ALPK2: variants seen among roughly 807,000 people sequenced by gnomAD.
ALPK2 encodes alpha kinase 2.
ALPK2 carries 127 observed loss-of-function variants against 163.1 expected under a neutral mutation model. That is an observed-to-expected ratio of 0.78 (90% CI 0.67 to 0.90). The LOEUF is 0.90. Among genes scored for constraint, ALPK2 ranks in the 40% least tolerant of loss-of-function variants. The probability of loss-of-function intolerance (pLI) is 0.00; values close to 1 mark genes in which losing one functional copy is unlikely to be tolerated. For synonymous variants in ALPK2, 953 were observed against 959.1 expected (o/e 0.99, Z 0.12); for missense variants, 2,360 against 2,589.6 (o/e 0.91, Z 1.92).
intron 4 of ALPK2, chr18:58,544,272 C>T (rs2051706182): frequency 1.3e-5 from 2 of 152,156 alleles, no homozygotes; most frequent in African/African-American, 4.8e-5. Flanking sequence ...CCTCTGATTC[C>T]ACAAACATAT....
chr18:58,555,750 A>G (rs2051787165), intron 4 of ALPK2, among the ~76,000 whole-genome samples: 1 of 152,156 alleles, frequency 6.6e-6, no homozygotes, highest in Admixed American at 6.5e-5. Context: ...CATGGTGAAC[A>G]CTGTCTCATC....
Position 58,537,358 on chromosome 18 carries a change from T to A in ALPK2, c.2829A>T (p.Thr943=). ...GATTGTTCTCAGAAGAAAGGAGCTG[T>A]GTTTCATCAAGCCCTCCTGAGTTGC... ...SPSNSGGLDE[T]QLLSSENNPL... is the part of the protein sequence containing the mutation. The change falls in exon 5 of 13, where the codon ACA becomes ACT. Residue 943 remains threonine, a synonymous_variant. Transcript: ENST00000361673. 1 of 1,614,066 alleles carries A rather than the reference T, an allele frequency of 6.2e-7. No homozygotes were observed. Among genetic ancestry groups the A allele is most frequent in the Non-Finnish European group, 8.5e-7 (1 of 1,179,956 alleles).
In ALPK2 at chr18:58,535,032, C is replaced by T. The variant is rs766075308; in HGVS notation, c.5155G>A (p.Gly1719Ser). The T allele has an allele frequency of 1.2e-6, 2 of 1,614,138 alleles. No homozygotes were observed. The highest frequency in any genetic ancestry group is 2.2e-5 in the East Asian group (1 of 44,878). The change falls in exon 5 of 13, where the codon GGC (glycine) becomes AGC (serine). Residue 1719 changes from glycine to serine, a missense_variant. Gly to Ser is a moderately conservative substitution (Grantham distance 56). Transcript: ENST00000361673. ...EEVKRKPEAPGSGHLAEGVKK... is the reference protein window; with the variant it reads ...EEVKRKPEAPSSGHLAEGVKK... ...ACTCCCTCAGCTAAATGTCCACTGC[C>T]TGGGGCTTCTGGCTTCCTCTTGACC...
At chr18:58,619,958 G>A (rs1264874613) in intron 1 of ALPK2, among the ~76,000 whole-genome samples, 1 of 152,234 alleles carries the variant, frequency 6.6e-6, no homozygotes, top group African/African-American at 2.4e-5. Context: ...ATGTGGCATA[G>A]CAATACAATT....
At position 58,629,023 on chromosome 18, in the gene ALPK2, A is replaced by T. The variant is rs995208378; in HGVS notation, c.-280T>A. 3 of 152,204 alleles carry T rather than the reference A, an allele frequency of 2.0e-5. No individual in the cohort carries two copies. The highest frequency in any genetic ancestry group is 4.1e-4 in the South Asian group (2 of 4,826). 9.4% of individuals were successfully genotyped at this position (152,204 alleles called of 1,614,324 possible). A position where few individuals can be genotyped will look rare whatever the true frequency, so the allele number is the denominator to read the frequency against. ...AGCATTTTTTCCCCGCCCTTCAGTG[A>T]ACTAGGTCATTGCTGAAGCTGGAGA... On this transcript the variant is annotated 5_prime_UTR_variant, in exon 1 of 13. Transcript: ENST00000361673.
At chr18:58,589,200 C>T (rs576335542) in intron 3 of ALPK2, among the ~76,000 whole-genome samples, 4 of 152,292 alleles carry the variant, frequency 2.6e-5, no homozygotes, top group African/African-American at 9.6e-5. Context: ...TGTGTATCCT[C>T]TTAGGCTGAT....
intron 12 of ALPK2, among the ~76,000 whole-genome samples, chr18:58,485,587 G>A (rs928966455): frequency 1.3e-5 from 2 of 152,234 alleles, no homozygotes; most frequent in Non-Finnish European, 2.9e-5. Flanking sequence ...GTCAACCAAA[G>A]AAAGGAGTTG....
intron 1 of ALPK2, among the ~76,000 whole-genome samples, chr18:58,620,277 C>T (rs955014316): frequency 2.6e-5 from 4 of 152,202 alleles, no homozygotes; most frequent in Middle Eastern, 3.4e-3. Flanking sequence ...GACGACAGAG[C>T]GAAGCTCCTT....
At chr18:58,496,847 AAACC>A (rs981197235) in intron 12 of ALPK2, among the ~76,000 whole-genome samples, 8 of 152,166 alleles carry the variant, frequency 5.3e-5, no homozygotes. Context: ...ATATATATGC[AAACC>A]AACCAATCCA....
rs539244205 is a variant in ALPK2, at chr18:58,533,074, G to A, written c.5353+1760C>T. 3.9e-5 allele frequency among the ~76,000 whole-genome samples: 6 copies of A among 152,292 alleles called. No homozygotes were observed. The South Asian group carries it at 6.2e-4, about 16-fold the overall frequency. Reference sequence around the variant, plus strand: ...TGGTTGTCTCTACCCCGTAGTCTCCGGCAGGGCCCTCTCAGGACAAGGCTG... The same window carrying A: ...TGGTTGTCTCTACCCCGTAGTCTCCAGCAGGGCCCTCTCAGGACAAGGCTG... On this transcript the variant is annotated intron_variant, in intron 5 of 12. Coordinates refer to ENST00000361673, the MANE Select transcript of ALPK2 (RefSeq NM_052947.4).
intron 10 of ALPK2, among the ~76,000 whole-genome samples, chr18:58,506,469 A>AC (rs1275105830): frequency 1.3e-5 from 2 of 151,866 alleles, no homozygotes; most frequent in South Asian, 2.1e-4. Context: ...ATTTGCCCCC[A>AC]CCCCCCACAT....
At chr18:58,605,164 A>G (rs1348159918) in intron 3 of ALPK2, among the ~76,000 whole-genome samples, 1 of 148,922 alleles carries the variant, frequency 6.7e-6, no homozygotes, top group East Asian at 2.0e-4. Context: ...TTACCAGGGT[A>G]GGCAAACTAT....
chr18:58,609,912 A>G (rs2052118678), intron 2 of ALPK2, among the ~76,000 whole-genome samples: 1 of 152,128 alleles, frequency 6.6e-6, no homozygotes. Context: ...ATGACGATGG[A>G]CCATCACGGA....
intron 4 of ALPK2, among the ~76,000 whole-genome samples, chr18:58,559,524 C>T (rs973760975): frequency 6.6e-6 from 1 of 152,206 alleles, no homozygotes; most frequent in African/African-American, 2.4e-5. Context: ...CACCCCATCA[C>T]AGTCCTCAGG....
chr18:58,597,856 A>G (rs2052048802), intron 3 of ALPK2, among the ~76,000 whole-genome samples: 1 of 152,198 alleles, frequency 6.6e-6, no homozygotes, highest in East Asian at 1.9e-4. Context: ...GGCCCTCATG[A>G]CAGGATTAGT....
intron 8 of ALPK2, among the ~76,000 whole-genome samples, chr18:58,519,188 G>C (rs1176636514): frequency 6.6e-6 from 1 of 151,936 alleles, no homozygotes; most frequent in African/African-American, 2.4e-5. Flanking sequence ...AACGGAACCA[G>C]GAAAAAAATT....
chr18:58,566,435 T>G (rs1405258291), intron 4 of ALPK2: 1 of 152,240 alleles, frequency 6.6e-6, no homozygotes, highest in African/African-American at 2.4e-5. Context: ...ATTGGGTTAG[T>G]TCAATGCTTT....
chr18:58,621,914 C>A lies in ALPK2; in HGVS notation c.-21+6850G>T, dbSNP rs141190988. Among the ~76,000 whole-genome samples the A allele has an allele frequency of 4.5e-3, 678 of 152,046 alleles. 6 individuals carry two copies. The highest frequency in any genetic ancestry group is 0.015 in the African/African-American group (629 of 41,468). On this transcript the variant is annotated intron_variant, in intron 1 of 12. Coordinates refer to ENST00000361673, the MANE Select transcript of ALPK2 (RefSeq NM_052947.4). ...GTGAATACTGAGCTGGCAGCAGCTC[C>A]CTCTGGATTTGTTTTGAATTTATTT... is the stretch of plus-strand genomic sequence containing the variant.
chr18:58,498,021 G>T (rs779789790), intron 12 of ALPK2, 28 bp downstream of exon 12: 2 of 1,611,260 alleles, frequency 1.2e-6, no homozygotes, highest in East Asian at 4.5e-5. Context: ...AGTGTTAATT[G>T]ATGCACACTC....
Sources: gnomAD v4.1 joint callset for allele counts (sites outside exome capture counted in the v4.1 genomes callset) on GRCh38, gnomAD v4.1.1 for gene constraint, MANE v1.5 for transcripts, NCBI Gene and HGNC (gene_info 2026-07-23, HGNC 2026-07-21) for gene names.